Variants in ABCG2 observed in about 807,000 individuals in gnomAD.
ABCG2 encodes broad substrate specificity ATP-binding cassette transporter ABCG2.
A neutral mutation model predicts 73.5 loss-of-function variants in ABCG2; 80 were observed. That is an observed-to-expected ratio of 1.09 (90% confidence interval 0.91 to 1.31). The LOEUF (loss-of-function observed/expected upper bound fraction) is 1.31. Among genes scored for constraint, ABCG2 ranks in the 50% most tolerant of loss-of-function variants. The pLI is 0.00. For missense variants in ABCG2, 796 were observed against 786.2 expected (o/e 1.01, Z -0.15); for synonymous variants, 269 against 282.4 (o/e 0.95, Z 0.48).
chr4:88,192,544 C>A (rs1043417630), intron 1 of ABCG2, among the ~76,000 whole-genome samples: 1 of 151,648 alleles, frequency 6.6e-6, no homozygotes, highest in Non-Finnish European at 1.5e-5. Flanking sequence ...CTCAGCCTCC[C>A]GAGTAGCTGG....
At position 88,127,959 on chromosome 4, in the gene ABCG2, G is replaced by GA. The variant is rs201520311; in HGVS notation, c.531+3101dup. Among the ~76,000 whole-genome samples, 999 of 132,828 alleles carry GA rather than the reference G, an allele frequency of 7.5e-3. 6 individuals are homozygous for GA. The highest frequency in any genetic ancestry group is 0.025 in the African/African-American group (907 of 36,254). The allele number at this position is 132,828 out of a possible 152,430, so 87.1% of individuals were successfully genotyped here. The stretch of plus-strand genomic sequence containing the variant: ...CTTCTGCACAGCAAAAAAAAAGAAA[G>GA]AAAAAAAAAAACTATCTTCAGAGTG... On this transcript the variant is annotated intron_variant, in intron 5 of 15. Transcript: ENST00000237612.
intron 1 of ABCG2, among the ~76,000 whole-genome samples, chr4:88,185,068 T>A (rs1227217924): frequency 6.6e-6 from 1 of 152,086 alleles, no homozygotes; most frequent in African/African-American, 2.4e-5. Context: ...AAAACTTAAA[T>A]ATAAGACCTC....
chr4:88,166,379 CTT>C (rs1727519829), intron 1 of ABCG2, among the ~76,000 whole-genome samples: 1 of 152,156 alleles, frequency 6.6e-6, no homozygotes, highest in African/African-American at 2.4e-5. Context: ...CCATAGAACC[CTT>C]TCTCTCCTCC....
chr4:88,198,932 A>ATATATG (rs898123712), intron 1 of ABCG2, among the ~76,000 whole-genome samples: 2 of 152,060 alleles, frequency 1.3e-5, no homozygotes, highest in Non-Finnish European at 2.9e-5. Flanking sequence ...AACAAAAACT[A>ATATATG]TATATGTATA....
At chr4:88,159,732 T>G (rs535115775), upstream of ABCG2, among the ~76,000 whole-genome samples, 1 of 152,328 alleles carries the variant, frequency 6.6e-6, no homozygotes, top group South Asian at 2.1e-4. Context: ...TGCAGGAAAG[T>G]TTTAGCTAGG....
intron 1 of ABCG2, among the ~76,000 whole-genome samples, chr4:88,205,346 T>A (rs1343065644): frequency 1.3e-5 from 2 of 152,256 alleles, no homozygotes; most frequent in South Asian, 2.1e-4. Flanking sequence ...CTCTAAGATA[T>A]GTGTTCCAAT....
rs1218526134 is a variant in ABCG2 at position 88,139,798 on chromosome 4, A to G, written c.198T>C (p.Asn66=). The G allele has an allele frequency of 6.2e-7, 1 of 1,613,334 alleles. No individual in the cohort carries two copies. The part of the protein sequence containing the change: ...RKPVEKEILS[N]INGIMKPGLN... ...TTACAAGTTCATGTACATACTTGATATTCGATAATATTTCTTTCTCAACTG... is the reference window on the plus strand; with the variant it reads ...TTACAAGTTCATGTACATACTTGATGTTCGATAATATTTCTTTCTCAACTG... Residue 66 remains asparagine, a synonymous_variant, in exon 2 of 16, where the codon AAT becomes AAC. Transcript: ENST00000237612.
intron 8 of ABCG2, among the ~76,000 whole-genome samples, chr4:88,113,789 T>TGTCTCTAC (rs1397431238): frequency 2.0e-5 from 3 of 151,682 alleles, no homozygotes; most frequent in Admixed American, 6.6e-5. Flanking sequence ...GGTGAAACCC[T>TGTCTCTAC]GTCTCTACTG....
intron 1 of ABCG2, among the ~76,000 whole-genome samples, chr4:88,171,900 C>T (rs2110093567): frequency 6.6e-6 from 1 of 152,170 alleles, no homozygotes; most frequent in Middle Eastern, 3.4e-3. Flanking sequence ...AGGAGGATCA[C>T]TTGAGGCCAA....
At chr4:88,206,259 C>T (rs920144586) in intron 1 of ABCG2, among the ~76,000 whole-genome samples, 1 of 152,050 alleles carries the variant, frequency 6.6e-6, no homozygotes, top group African/African-American at 2.4e-5. Context: ...TCAACACCAG[C>T]CTGGGCAATA....
intron 1 of ABCG2, among the ~76,000 whole-genome samples, chr4:88,141,821 C>T (rs1725667858): frequency 6.6e-6 from 1 of 152,028 alleles, no homozygotes; most frequent in South Asian, 2.1e-4. Flanking sequence ...TGGAAACAGA[C>T]CCACAAGTAA....
At chr4:88,110,518 G>C (rs1004527230) in intron 9 of ABCG2, among the ~76,000 whole-genome samples, 7 of 152,110 alleles carry the variant, frequency 4.6e-5, no homozygotes, top group African/African-American at 1.7e-4. Flanking sequence ...ACTCCAGCCT[G>C]GGCGACAGAG....
intron 10 of ABCG2, among the ~76,000 whole-genome samples, chr4:88,101,707 A>G (rs890458534): frequency 6.6e-6 from 1 of 152,166 alleles, no homozygotes; most frequent in Admixed American, 6.5e-5. Context: ...CCTAATAGGA[A>G]GAGACACCAG....
rs1727797538 is a variant in ABCG2, at chr4:88,172,569, C to T, written c.-19-32555G>A. 3.2e-5 allele frequency among the ~76,000 whole-genome samples: 4 copies of T among 125,038 alleles called. No individual in the cohort carries two copies. In the South Asian group the frequency reaches 1.2e-3, roughly 36 times the overall value. 82.0% of individuals were successfully genotyped at this position (125,038 alleles called of 152,430 possible). A position where few individuals can be genotyped will look rare whatever the true frequency, so the allele number is the denominator to read the frequency against. On this transcript the variant is annotated intron_variant, in intron 1 of 15. Transcript: ENST00000515655. The stretch of plus-strand genomic sequence containing the variant: ...CTCCAGCCTGGGAGACAGAGCAAGA[C>T]TCTGTCTCAGGGAAAAAAAAAAAAA...
chr4:88,116,025 T>C (rs1356724935), intron 7 of ABCG2, among the ~76,000 whole-genome samples: 1 of 152,026 alleles, frequency 6.6e-6, no homozygotes, highest in Non-Finnish European at 1.5e-5. Flanking sequence ...CAAAACCCCA[T>C]CTCTACTAAA....
intron 10 of ABCG2, among the ~76,000 whole-genome samples, chr4:88,102,479 C>A (rs998979173): frequency 6.6e-6 from 1 of 151,718 alleles, no homozygotes; most frequent in Non-Finnish European, 1.5e-5. Context: ...GCCTGTAGTC[C>A]CAGCTACTCA....
At chr4:88,140,058 G>A (rs1231892302) in intron 1 of ABCG2, 44 bp from the exon 2 acceptor site, 2 of 1,512,488 alleles carry the variant, frequency 1.3e-6, no homozygotes, top group African/African-American at 1.4e-5. Flanking sequence ...CCAGATAAAT[G>A]AGATTGCAAA....
chr4:88,144,757 C>T (rs1725868159), intron 1 of ABCG2, among the ~76,000 whole-genome samples: 4 of 152,056 alleles, frequency 2.6e-5, no homozygotes, highest in South Asian at 4.1e-4. Flanking sequence ...GCGCCCAGCA[C>T]ATTTTTACTT....
rs1393624868 is a variant in ABCG2, at chr4:88,090,998, TTAAG to T, written c.*1232_*1235del. 3 of 152,316 alleles carry T rather than the reference TTAAG, an allele frequency of 2.0e-5. No individual in the cohort carries two copies. The highest frequency in any genetic ancestry group is 4.8e-5 in the African/African-American group (2 of 41,566). The allele number at this position is 152,316 out of a possible 1,614,324, so 9.4% of individuals were successfully genotyped here. On this transcript the variant is annotated 3_prime_UTR_variant, in exon 16 of 16. Coordinates refer to ENST00000237612, the MANE Select transcript of ABCG2 (RefSeq NM_004827.3). The stretch of plus-strand genomic sequence containing the variant: ...AGTTTATTAAAAAGTGGGGAGATAA[TTAAG>T]TATCAACCTATGCACACAGAAACAC...
Sources: gnomAD v4.1 joint callset for allele counts (sites outside exome capture counted in the v4.1 genomes callset) on GRCh38, gnomAD v4.1.1 for gene constraint, MANE v1.5 for transcripts, NCBI Gene and HGNC (gene_info 2026-07-23, HGNC 2026-07-21) for gene names.